PLCB1: variants seen among roughly 807,000 people sequenced by gnomAD.
PLCB1 encodes 1-phosphatidylinositol 4,5-bisphosphate phosphodiesterase beta-1.
PLCB1 carries 46 observed loss-of-function variants against 161.8 expected under a neutral mutation model. The observed-to-expected ratio is 0.28, with a 90% CI of 0.22 to 0.36. The LOEUF is 0.36. PLCB1 is among the 10% of genes least tolerant of loss of function. PLCB1 has a pLI of 1.00. For synonymous variants in PLCB1, 517 were observed against 503.7 expected, an observed-to-expected ratio of 1.03 and a Z score of -0.35; for missense variants, 1,016 against 1,472.5, an observed-to-expected ratio of 0.69 and a Z score of 5.07.
intron 3 of PLCB1, among the ~76,000 whole-genome samples, chr20:8,616,351 C>A (rs1172993372): frequency 6.6e-6 from 1 of 152,160 alleles, no homozygotes; most frequent in East Asian, 1.9e-4. Context: ...ACATGCTACT[C>A]CACTGCCTGA....
chr20:8,437,511 A>G (rs1046202323), intron 3 of PLCB1, among the ~76,000 whole-genome samples: 2 of 152,238 alleles, frequency 1.3e-5, no homozygotes, highest in Admixed American at 6.5e-5. Flanking sequence ...ATACACAAAT[A>G]TATGAACACA....
At chr20:8,376,644 A>T (rs1987091282) in intron 3 of PLCB1, among the ~76,000 whole-genome samples, 2 of 152,132 alleles carry the variant, frequency 1.3e-5, no homozygotes, top group South Asian at 4.1e-4. Context: ...AAGAAAAGAA[A>T]TCAGCCGGGC....
At chr20:8,809,150 C>T (rs1294657190) in intron 31 of PLCB1, among the ~76,000 whole-genome samples, 1 of 152,014 alleles carries the variant, frequency 6.6e-6, no homozygotes, top group African/African-American at 2.4e-5. Context: ...TACAGGCTTA[C>T]CACCACACTT....
intron 1 of PLCB1, among the ~76,000 whole-genome samples, chr20:8,143,385 C>T (rs1409052306): frequency 6.6e-6 from 1 of 152,160 alleles, no homozygotes; most frequent in African/African-American, 2.4e-5. Flanking sequence ...GCTGCAGTAC[C>T]TTCCACCCCT....
intron 11 of PLCB1, among the ~76,000 whole-genome samples, chr20:8,706,162 A>G (rs1200981664): frequency 2.0e-5 from 3 of 152,226 alleles, no homozygotes; most frequent in Admixed American, 2.0e-4. Context: ...ACCCACATCT[A>G]TGATATCACT....
intron 3 of PLCB1, among the ~76,000 whole-genome samples, chr20:8,563,318 G>A (rs1005496882): frequency 1.1e-4 from 17 of 151,824 alleles, no homozygotes; most frequent in Non-Finnish European, 2.5e-4. Flanking sequence ...AGTCTCAGCT[G>A]AAAAAAAATT....
chr20:8,527,429 G>A (rs183762986), intron 3 of PLCB1, among the ~76,000 whole-genome samples: 1 of 150,976 alleles, frequency 6.6e-6, no homozygotes, highest in East Asian at 1.9e-4. Context: ...TATACTGCGA[G>A]TCAAGACTAC....
chr20:8,706,008 A>T (rs1198172745), intron 11 of PLCB1, among the ~76,000 whole-genome samples: 1 of 152,250 alleles, frequency 6.6e-6, no homozygotes, highest in Non-Finnish European at 1.5e-5. Context: ...AAAGACTGTC[A>T]GTCAGCTTCT....
chr20:8,344,860 G>T (rs189307319), intron 2 of PLCB1, among the ~76,000 whole-genome samples: 1 of 152,180 alleles, frequency 6.6e-6, no homozygotes, highest in Non-Finnish European at 1.5e-5. Flanking sequence ...ATGTTTGAAC[G>T]TTCAGGACAG....
At chr20:8,582,332 G>T (rs1236261591) in intron 3 of PLCB1, among the ~76,000 whole-genome samples, 2 of 152,100 alleles carry the variant, frequency 1.3e-5, no homozygotes, top group African/African-American at 4.8e-5. Flanking sequence ...TACCTGGGAG[G>T]TAACGCCCTA....
rs34787623 is a variant in PLCB1 at position 8,523,398 on chromosome 20, A to ATGTG, written c.247-104868_247-104865dup. Among the ~76,000 whole-genome samples the ATGTG allele has an allele frequency of 1.4e-3, 175 of 122,576 alleles. 1 individual carries two copies. Among genetic ancestry groups the ATGTG allele is most frequent in the African/African-American group, 2.4e-3 (73 of 30,268 alleles). The allele number at this position is 122,576 out of a possible 152,430, so 80.4% of individuals were successfully genotyped here. On this transcript the variant is annotated intron_variant, in intron 3 of 31. Coordinates refer to ENST00000338037, the MANE Select transcript of PLCB1 (RefSeq NM_015192.4). ...GCAAATGATCCTGATCATAACAAATATGTGTGTGTGTGTGTGTGTGTGTGT... is the reference window on the plus strand; with the variant it reads ...GCAAATGATCCTGATCATAACAAATATGTGTGTGTGTGTGTGTGTGTGTGTGTGT...
intron 23 of PLCB1, among the ~76,000 whole-genome samples, chr20:8,754,687 G>A (rs6056065): frequency 0.22 from 33,281 of 152,134 alleles, 3,681 homozygotes; most frequent in Middle Eastern, 0.36. Context: ...CCAGCAAAGC[G>A]TTACCCCTGC....
chr20:8,212,106 A>G (rs975778668), intron 2 of PLCB1, among the ~76,000 whole-genome samples: 1 of 152,080 alleles, frequency 6.6e-6, no homozygotes, highest in Non-Finnish European at 1.5e-5. Flanking sequence ...AACTGTATTT[A>G]TATTTGTATA....
chr20:8,828,093 G>A (rs1985796447), intron 31 of PLCB1, among the ~76,000 whole-genome samples: 1 of 152,186 alleles, frequency 6.6e-6, no homozygotes, highest in African/African-American at 2.4e-5. Flanking sequence ...TAAGGAGAAG[G>A]GAAAGTGTAT....
At position 8,240,204 on chromosome 20, in the gene PLCB1, C is replaced by G. The variant is rs113648435; in HGVS notation, c.177+89833C>G. 4.6e-3 allele frequency among the ~76,000 whole-genome samples: 704 copies of G among 151,736 alleles called. 8 individuals carry two copies. The highest frequency in any genetic ancestry group is 0.016 in the African/African-American group (658 of 41,370). ...GAGGTCAGTAACTTCCTCAACACCT[C>G]TCAGTCTCCCAAACAACAACACAGG... On this transcript the variant is annotated intron_variant, in intron 2 of 31. Coordinates refer to ENST00000338037, the MANE Select transcript of PLCB1 (RefSeq NM_015192.4).
At chr20:8,738,069 A>G (rs1370712216) in intron 20 of PLCB1, among the ~76,000 whole-genome samples, 1 of 152,230 alleles carries the variant, frequency 6.6e-6, no homozygotes, top group Non-Finnish European at 1.5e-5. Context: ...ATATAACTGC[A>G]TATTTTAGAT....
chr20:8,213,141 T>A lies in PLCB1; in HGVS notation c.177+62770T>A, dbSNP rs769332408. ...TGTTCACTAATTCATCCAAGAATTT[T>A]GGGGGCCTGGTGTTACCCTGAAGGC... On this transcript the variant is annotated intron_variant, in intron 2 of 31. Transcript: ENST00000338037. 3.9e-4 allele frequency among the ~76,000 whole-genome samples: 60 copies of A among 152,284 alleles called. No individual in the cohort carries two copies. The Middle Eastern group carries it at 0.01, about 26-fold the overall frequency.
intron 3 of PLCB1, among the ~76,000 whole-genome samples, chr20:8,541,256 C>T (rs942806664): frequency 6.6e-6 from 1 of 152,160 alleles, no homozygotes; most frequent in East Asian, 1.9e-4. Flanking sequence ...GCCACTAATG[C>T]TCTCCAAATA....
chr20:8,808,341 C>T (rs894907987), intron 31 of PLCB1, among the ~76,000 whole-genome samples: 2 of 152,158 alleles, frequency 1.3e-5, no homozygotes, highest in African/African-American at 2.4e-5. Flanking sequence ...GATGGCCTTT[C>T]TATGCACATG....
Sources: gnomAD v4.1 joint callset for allele counts (sites outside exome capture counted in the v4.1 genomes callset) on GRCh38, gnomAD v4.1.1 for gene constraint, MANE v1.5 for transcripts, NCBI Gene and HGNC (gene_info 2026-07-23, HGNC 2026-07-21) for gene names.